Variants in JMY observed in about 807,000 individuals in gnomAD.
The protein encoded by JMY is junction-mediating and -regulatory protein.
Under a neutral mutation model 103.3 loss-of-function variants are expected in JMY, and 46 were observed. That is an observed-to-expected ratio of 0.45 (90% confidence interval 0.35 to 0.57). The LOEUF (loss-of-function observed/expected upper bound fraction) is 0.57. JMY is among the 20% of genes least tolerant of loss of function. JMY has a pLI of 0.00. For synonymous variants in JMY, 526 were observed against 489.3 expected, an observed-to-expected ratio of 1.07 and a Z score of -0.99; for missense variants, 1,238 against 1,255.2, an observed-to-expected ratio of 0.99 and a Z score of 0.21.
intron 3 of JMY, 61 bp downstream of exon 3, chr5:79,290,332 A>G (rs1561306464): frequency 8.5e-7 from 1 of 1,183,300 alleles, no homozygotes; most frequent in Non-Finnish European, 1.1e-6. Context: ...TAAGTATTTT[A>G]TGTTCAGAAA....
intron 1 of JMY, among the ~76,000 whole-genome samples, chr5:79,259,672 G>C (rs1346637152): frequency 6.6e-6 from 1 of 152,236 alleles, no homozygotes; most frequent in African/African-American, 2.4e-5. Context: ...GGGCTGGTGT[G>C]TCAGCACTGC....
At chr5:79,318,174 C>CTTTT (rs35595124) in intron 10 of JMY, among the ~76,000 whole-genome samples, 196 of 146,074 alleles carry the variant, frequency 1.3e-3, no homozygotes, top group Non-Finnish European at 2.1e-3. Flanking sequence ...GCTCTTTTTT[C>CTTTT]TTTTTTTTTT....
At chr5:79,282,312 G>C (rs772336432) in intron 2 of JMY, among the ~76,000 whole-genome samples, 3 of 152,162 alleles carry the variant, frequency 2.0e-5, no homozygotes, top group Non-Finnish European at 4.4e-5. Flanking sequence ...AATTGACAGG[G>C]AGCAAGCACC....
chr5:79,279,966 C>T (rs774354559), intron 2 of JMY, among the ~76,000 whole-genome samples: 7 of 152,128 alleles, frequency 4.6e-5, no homozygotes, highest in Non-Finnish European at 7.3e-5. Context: ...ACCTCAGCCC[C>T]ACAAGTAGCT....
Position 79,324,383 on chromosome 5 carries a change from T to C in JMY, c.*2781T>C, listed in dbSNP as rs1747563216. On this transcript the variant is annotated 3_prime_UTR_variant, in exon 11 of 11. Coordinates refer to ENST00000396137, the MANE Select transcript of JMY (RefSeq NM_152405.5). The stretch of plus-strand genomic sequence containing the variant: ...AATATTGGACACATTTCTGTTAATA[T>C]ATGATTTCTGTATCCACAAACCGCT... 2.0e-5 allele frequency: 3 copies of C among 152,236 alleles called. No homozygotes were observed. Among genetic ancestry groups the C allele is most frequent in the Admixed American group, 2.0e-4 (3 of 15,290 alleles). The allele number at this position is 152,236 out of a possible 1,614,324, so 9.4% of individuals were successfully genotyped here.
At position 79,312,506 on chromosome 5, in the gene JMY, A is replaced by G; in HGVS notation, c.2064+8A>G. On this transcript the variant is annotated splice_region_variant and intron_variant, in intron 8 of 10. Transcript: ENST00000396137. ...CTTCGAACATTTAAACAGGTATTAAAAGTAATGGTCCATTTATTGTTTTTC... is the reference window on the plus strand; with the variant it reads ...CTTCGAACATTTAAACAGGTATTAAGAGTAATGGTCCATTTATTGTTTTTC... 1 of 1,455,598 alleles carries G rather than the reference A, an allele frequency of 6.9e-7. No homozygotes were observed. The highest frequency in any genetic ancestry group is 9.3e-7 in the Non-Finnish European group (1 of 1,071,238). The allele number at this position is 1,455,598 out of a possible 1,614,324, so 90.2% of individuals were successfully genotyped here.
chr5:79,236,426 A>C lies in JMY; in HGVS notation c.-225A>C. On this transcript the variant is annotated 5_prime_UTR_variant, in exon 1 of 11. Coordinates refer to ENST00000396137, the MANE Select transcript of JMY (RefSeq NM_152405.5). ...CCGGCCGCAGGTGACCATGTGAACT[A>C]CCTGCTCCCGGGACGCTTATTGTCC... 2.6e-6 allele frequency: 1 copy of C among 377,632 alleles called. No homozygotes were observed. The highest frequency in any genetic ancestry group is 4.7e-6 in the Non-Finnish European group (1 of 214,050). The allele number at this position is 377,632 out of a possible 1,614,324, so 23.4% of individuals were successfully genotyped here.
chr5:79,296,276 C>T (rs545064457), intron 4 of JMY, among the ~76,000 whole-genome samples: 234 of 152,218 alleles, frequency 1.5e-3, no homozygotes, highest in African/African-American at 5.1e-3. Flanking sequence ...GGGAATTTTC[C>T]ATTTTCCAGG....
chr5:79,300,075 T>C lies in JMY; in HGVS notation c.1528-78T>C, dbSNP rs1746686275. ...ACTTAATAGGTTTATGCTATCTGATTAGTATTAATTTTTAATACTAACTCA... is the reference window on the plus strand; with the variant it reads ...ACTTAATAGGTTTATGCTATCTGATCAGTATTAATTTTTAATACTAACTCA... On this transcript the variant is annotated intron_variant, in intron 4 of 10. Transcript: ENST00000396137. 8.0e-5 allele frequency: 92 copies of C among 1,149,200 alleles called. No homozygotes were observed. The South Asian group carries it at 1.2e-3, about 15-fold the overall frequency. The allele number at this position is 1,149,200 out of a possible 1,614,324, so 71.2% of individuals were successfully genotyped here.
In JMY at chr5:79,322,674, T is replaced by A. The variant is rs1747494983; in HGVS notation, c.*1072T>A. 1 of 152,220 alleles carries A rather than the reference T, an allele frequency of 6.6e-6. No homozygotes were observed. Among genetic ancestry groups the A allele is most frequent in the South Asian group, 2.1e-4 (1 of 4,834 alleles). The allele number at this position is 152,220 out of a possible 1,614,324, so 9.4% of individuals were successfully genotyped here. A position where few individuals can be genotyped will look rare whatever the true frequency, so the allele number is the denominator to read the frequency against. On this transcript the variant is annotated 3_prime_UTR_variant, in exon 11 of 11. Transcript: ENST00000396137. ...GTTATAGTCACTAAAATTTTAAACTTATACACAGCTTTAGGTGCTGATTTT... is the reference window on the plus strand; with the variant it reads ...GTTATAGTCACTAAAATTTTAAACTAATACACAGCTTTAGGTGCTGATTTT...
At chr5:79,314,110 C>T (rs1457443827) in intron 8 of JMY, 147 bp from the exon 9 acceptor site, 29 of 1,289,416 alleles carry the variant, frequency 2.2e-5, no homozygotes, top group African/African-American at 3.0e-5. Context: ...CCACCCGCCT[C>T]GGCCTCCCAA....
chr5:79,292,520 T>C (rs945276863), intron 4 of JMY, among the ~76,000 whole-genome samples: 1 of 152,114 alleles, frequency 6.6e-6, no homozygotes, highest in African/African-American at 2.4e-5. Flanking sequence ...GAGGTCTCCC[T>C]ATATTGCCCA....
rs1308901911 is a variant in JMY at position 79,323,952 on chromosome 5, C to T, written c.*2350C>T. On this transcript the variant is annotated 3_prime_UTR_variant, in exon 11 of 11. Transcript: ENST00000396137. ...CACTTGGAAAAGAAGGAGGTTAAAG[C>T]AGAGTATTGTTGGCAGCCAGCTATG... 4 of 152,168 alleles carry T rather than the reference C, an allele frequency of 2.6e-5. No homozygotes were observed. The highest frequency in any genetic ancestry group is 5.9e-5 in the Non-Finnish European group (4 of 68,038). 9.4% of individuals were successfully genotyped at this position (152,168 alleles called of 1,614,324 possible).
intron 2 of JMY, chr5:79,284,649 A>G (rs1317715407): frequency 2.5e-5 from 39 of 1,564,974 alleles, no homozygotes; most frequent in Non-Finnish European, 2.3e-5. Context: ...TACCCTGAAC[A>G]TCTTCAGTAA....
At position 79,295,233 on chromosome 5, in the gene JMY, C is replaced by T. The variant is rs528103436; in HGVS notation, c.1527+3934C>T. On this transcript the variant is annotated intron_variant, in intron 4 of 10. Coordinates refer to ENST00000396137, the MANE Select transcript of JMY (RefSeq NM_152405.5). The stretch of plus-strand genomic sequence containing the variant: ...TAGGGTAGTTTTCAGCCATATGTGG[C>T]TAATGAGCTTTTGAAATGAGGCTTA... Among the ~76,000 whole-genome samples the T allele has an allele frequency of 5.3e-5, 8 of 152,260 alleles. No individual in the cohort carries two copies. The South Asian group carries it at 1.7e-3, about 32-fold the overall frequency.
intron 2 of JMY, among the ~76,000 whole-genome samples, chr5:79,286,654 A>T (rs1040338078): frequency 3.3e-5 from 5 of 151,872 alleles, no homozygotes; most frequent in Non-Finnish European, 7.4e-5. Flanking sequence ...AAAAAAAAAA[A>T]TCCATAATGC....
At chr5:79,242,865 C>G (rs1319078103) in intron 1 of JMY, among the ~76,000 whole-genome samples, 7 of 151,734 alleles carry the variant, frequency 4.6e-5, no homozygotes, top group African/African-American at 1.7e-4. Flanking sequence ...CTCACTGCAA[C>G]CTCTGCCTTC....
intron 1 of JMY, among the ~76,000 whole-genome samples, chr5:79,272,224 G>C (rs765134469): frequency 2.0e-5 from 3 of 150,690 alleles, no homozygotes; most frequent in Non-Finnish European, 4.4e-5. Flanking sequence ...ATGCTTTACT[G>C]TTTGCTTTCA....
intron 2 of JMY, among the ~76,000 whole-genome samples, chr5:79,279,322 A>G (rs1019711390): frequency 4.6e-5 from 7 of 152,216 alleles, no homozygotes; most frequent in South Asian, 2.1e-4. Flanking sequence ...CGACACAGCA[A>G]GACTCTGTCT....
Sources: allele counts gnomAD v4.1 joint callset (sites outside exome capture counted in the v4.1 genomes callset), GRCh38; gene constraint gnomAD v4.1.1; transcripts MANE v1.5; gene names NCBI Gene and HGNC (gene_info 2026-07-23, HGNC 2026-07-21).